Variants in SSBP2 observed in about 807,000 individuals in gnomAD.
SSBP2 encodes single stranded DNA binding protein 2, also known as single-stranded DNA-binding protein 2.
Under a neutral mutation model 61.8 loss-of-function variants are expected in SSBP2, and 17 were observed. The ratio of observed to expected loss-of-function variants is 0.28; its 90% CI spans 0.19 to 0.41. SSBP2 has a LOEUF of 0.41. Ranked by LOEUF, SSBP2 falls within the 10% of genes least tolerant of loss-of-function variation. The pLI is 1.00. For synonymous variants in SSBP2, 139 were observed against 141.3 expected (o/e 0.98, Z 0.12); for missense variants, 310 against 458.7 (o/e 0.68, Z 2.96).
intron 4 of SSBP2, among the ~76,000 whole-genome samples, chr5:81,600,485 C>T (rs539459201): frequency 6.7e-6 from 1 of 150,286 alleles, no homozygotes; most frequent in South Asian, 2.1e-4. Flanking sequence ...TCACTTGAAC[C>T]CAGGAGGTGC....
chr5:81,719,621 C>G (rs1235406719), intron 1 of SSBP2, among the ~76,000 whole-genome samples: 3 of 152,098 alleles, frequency 2.0e-5, no homozygotes, highest in Non-Finnish European at 2.9e-5. Context: ...ATGACAGGCA[C>G]AGAGACAACT....
chr5:81,484,279 G>A (rs1272552573), intron 6 of SSBP2, among the ~76,000 whole-genome samples: 1 of 152,104 alleles, frequency 6.6e-6, no homozygotes, highest in African/African-American at 2.4e-5. Context: ...GGCAAAAGAA[G>A]TGAACATTGT....
At chr5:81,704,202 A>T (rs1333071235) in intron 1 of SSBP2, among the ~76,000 whole-genome samples, 1 of 152,232 alleles carries the variant, frequency 6.6e-6, no homozygotes, top group Non-Finnish European at 1.5e-5. Flanking sequence ...TAATGATGAC[A>T]TGACTACGAT....
At chr5:81,544,498 T>C (rs1024145827) in intron 4 of SSBP2, among the ~76,000 whole-genome samples, 1 of 152,188 alleles carries the variant, frequency 6.6e-6, no homozygotes, top group Admixed American at 6.5e-5. Flanking sequence ...CCTAAACATG[T>C]ATTAAGTCTA....
chr5:81,642,761 G>T (rs1234320908), intron 2 of SSBP2, among the ~76,000 whole-genome samples: 1 of 151,998 alleles, frequency 6.6e-6, no homozygotes, highest in Non-Finnish European at 1.5e-5. Context: ...CATAAAAAGA[G>T]AATTATGACA....
intron 16 of SSBP2, among the ~76,000 whole-genome samples, chr5:81,424,656 A>C (rs1761842194): frequency 6.6e-6 from 1 of 152,204 alleles, no homozygotes; most frequent in Non-Finnish European, 1.5e-5. Flanking sequence ...AAACTACTTC[A>C]AAAAATGAAA....
intron 3 of SSBP2, among the ~76,000 whole-genome samples, chr5:81,630,673 G>A (rs969644732): frequency 1.3e-5 from 2 of 151,294 alleles, no homozygotes; most frequent in African/African-American, 4.9e-5. Flanking sequence ...CCAACGCCAT[G>A]GAAGAAGGGA....
intron 4 of SSBP2, among the ~76,000 whole-genome samples, chr5:81,557,979 T>A (rs1329405201): frequency 6.6e-6 from 1 of 152,192 alleles, no homozygotes; most frequent in Non-Finnish European, 1.5e-5. Context: ...CACAGCCAAA[T>A]TACTTAAAAA....
chr5:81,640,065 TG>T (rs1273962031), intron 2 of SSBP2, among the ~76,000 whole-genome samples: 1 of 152,142 alleles, frequency 6.6e-6, no homozygotes, highest in Non-Finnish European at 1.5e-5. Flanking sequence ...AGATTAGAAA[TG>T]GGGCCAGGCG....
chr5:81,488,038 TATATATATATATATATATATAA>T (rs1483783967), intron 6 of SSBP2, among the ~76,000 whole-genome samples: 4 of 35,480 alleles, frequency 1.1e-4, no homozygotes, highest in African/African-American at 1.1e-3. Context: ...TATATATATA[TATATATATATATATATATATAA>T]ATAAAATATC....
At chr5:81,672,899 C>A (rs113025000) in intron 1 of SSBP2, among the ~76,000 whole-genome samples, 90 of 149,960 alleles carry the variant, frequency 6.0e-4, no homozygotes, top group African/African-American at 2.1e-3. Context: ...TAAACAGTCT[C>A]GTGCTATCCC....
intron 5 of SSBP2, among the ~76,000 whole-genome samples, chr5:81,508,650 A>C (rs1030552263): frequency 6.6e-6 from 1 of 152,182 alleles, no homozygotes; most frequent in African/African-American, 2.4e-5. Flanking sequence ...GCTATTTTTC[A>C]AATGTAGTTG....
chr5:81,650,214 TC>T, intron 2 of SSBP2, 52 bp downstream of exon 2: 1 of 1,244,600 alleles, frequency 8.0e-7, no homozygotes, highest in South Asian at 1.4e-5. Context: ...TAGTGTGTTT[TC>T]CATTCATTTA....
intron 1 of SSBP2, among the ~76,000 whole-genome samples, chr5:81,717,829 A>C (rs1018034315): frequency 6.6e-6 from 1 of 152,158 alleles, no homozygotes; most frequent in East Asian, 1.9e-4. Flanking sequence ...CTGGCATTTT[A>C]TCTCTCCAGC....
At chr5:81,465,143 T>C (rs1764802472) in intron 9 of SSBP2, among the ~76,000 whole-genome samples, 1 of 151,924 alleles carries the variant, frequency 6.6e-6, no homozygotes, top group South Asian at 2.1e-4. Flanking sequence ...CTAAAAATGG[T>C]ATAGGATCTT....
chr5:81,731,483 G>A (rs1451164639), intron 1 of SSBP2, among the ~76,000 whole-genome samples: 1 of 152,072 alleles, frequency 6.6e-6, no homozygotes, highest in East Asian at 1.9e-4. Context: ...TTTCCTGGCG[G>A]CCTTAATAAG....
intron 5 of SSBP2, among the ~76,000 whole-genome samples, chr5:81,508,032 A>G (rs1451843721): frequency 6.6e-6 from 1 of 152,196 alleles, no homozygotes; most frequent in African/African-American, 2.4e-5. Context: ...TATGAATGCC[A>G]CAAGAATGAA....
chr5:81,432,637 T>C (rs994245904), intron 15 of SSBP2, among the ~76,000 whole-genome samples: 3 of 152,044 alleles, frequency 2.0e-5, no homozygotes, highest in Non-Finnish European at 4.4e-5. Flanking sequence ...TCCCAGCTAC[T>C]CGGGAGGCTG....
chr5:81,532,740 T>C (rs1428724843), intron 4 of SSBP2, among the ~76,000 whole-genome samples: 1 of 151,866 alleles, frequency 6.6e-6, no homozygotes, highest in African/African-American at 2.4e-5. Flanking sequence ...AGCAGGGTAC[T>C]TGTATAAATA....
Sources: gnomAD v4.1 joint callset for allele counts (sites outside exome capture counted in the v4.1 genomes callset) on GRCh38, gnomAD v4.1.1 for gene constraint, MANE v1.5 for transcripts, NCBI Gene and HGNC (gene_info 2026-07-23, HGNC 2026-07-21) for gene names.